The following TFAP2C variants were observed in gnomAD, a reference collection of about 807,000 sequenced individuals.
TFAP2C encodes activating enhancer-binding protein 2 gamma.
In TFAP2C, 9 loss-of-function variants were observed where a neutral mutation model predicts 42.9. That is an observed-to-expected ratio of 0.21 (90% confidence interval 0.13 to 0.37). The LOEUF (loss-of-function observed/expected upper bound fraction) is 0.37. Ranked by LOEUF, TFAP2C falls within the 10% of genes least tolerant of loss-of-function variation. The pLI is 1.00. For synonymous variants in TFAP2C, 264 were observed against 256.0 expected (o/e 1.03, Z -0.30); for missense variants, 462 against 591.7 (o/e 0.78, Z 2.27).
chr20:56,630,756 CCTGCCGCG>C lies in TFAP2C; in HGVS notation c.49-443_49-436del. On this transcript the variant is annotated intron_variant, in intron 1 of 6. Coordinates refer to ENST00000201031, the MANE Select transcript of TFAP2C (RefSeq NM_003222.4). The surrounding 1 kb of genome is among the most constrained non-coding windows in gnomAD (Gnocchi z 5.1). ...TCCCGCGCCGCGCACTCTATCCGCG[CCTGCCGCG>C]CTGCCACCTCCAGCAGTCCCTGCGT... 4 of 985,322 alleles carry C rather than the reference CCTGCCGCG, an allele frequency of 4.1e-6. No homozygotes were observed. The highest frequency in any genetic ancestry group is 4.8e-6 in the Non-Finnish European group (4 of 829,876). 61.0% of individuals were successfully genotyped at this position (985,322 alleles called of 1,614,324 possible).
chr20:56,636,839 C>A, intron 6 of TFAP2C, 85 bp downstream of exon 6: 1 of 1,435,778 alleles, frequency 7.0e-7, no homozygotes, highest in Non-Finnish European at 9.3e-7. Context: ...GTCCCGATGG[C>A]TCAACAAAGA....
rs940692475 is a variant in TFAP2C at position 56,638,238 on chromosome 20, C to T, written c.*225C>T. On this transcript the variant is annotated 3_prime_UTR_variant, in exon 7 of 7. Coordinates refer to ENST00000201031, the MANE Select transcript of TFAP2C (RefSeq NM_003222.4). ...CTTTGGACCTATTATCAGAAGGTGACAAGTACTGGCTCTTTATTCATTAAG... is the reference window on the plus strand; with the variant it reads ...CTTTGGACCTATTATCAGAAGGTGATAAGTACTGGCTCTTTATTCATTAAG... 5.7e-5 allele frequency: 29 copies of T among 504,492 alleles called. No individual in the cohort carries two copies. The highest frequency in any genetic ancestry group is 9.4e-5 in the Non-Finnish European group (27 of 286,244). 31.3% of individuals were successfully genotyped at this position (504,492 alleles called of 1,614,324 possible).
In TFAP2C at chr20:56,629,326, G is replaced by C. The variant is rs554205076; in HGVS notation, c.-219G>C. 2.5e-6 allele frequency: 1 copy of C among 399,878 alleles called. No individual in the cohort carries two copies. Among genetic ancestry groups the C allele is most frequent in the African/African-American group, 2.1e-5 (1 of 48,518 alleles). 24.8% of individuals were successfully genotyped at this position (399,878 alleles called of 1,614,324 possible). ...TCGCCAGGACACACTGTTCGGGCGC[G>C]GCTTTCCCCGTCCGCGGAGCGGTCT... On this transcript the variant is annotated 5_prime_UTR_variant, in exon 1 of 7. Transcript: ENST00000201031. This position sits in a 1 kb window ranked among gnomAD's most constrained non-coding sequence, Gnocchi z 5.9.
At chr20:56,636,228 G>C (rs1016348300) in intron 5 of TFAP2C, among the ~76,000 whole-genome samples, 1 of 152,188 alleles carries the variant, frequency 6.6e-6, no homozygotes, top group Non-Finnish European at 1.5e-5. Context: ...ATGACTGGTA[G>C]ACAATGAATA....
At chr20:56,637,067 T>C (rs1987596046) in intron 6 of TFAP2C, among the ~76,000 whole-genome samples, 1 of 152,220 alleles carries the variant, frequency 6.6e-6, no homozygotes, top group African/African-American at 2.4e-5. Flanking sequence ...CCCGATTTGT[T>C]TTGTCACAAC....
Position 56,631,064 on chromosome 20 carries a change from A to G in TFAP2C, c.49-141A>G, listed in dbSNP as rs2146446010. 1.4e-6 allele frequency: 2 copies of G among 1,425,442 alleles called. No homozygotes were observed. Among genetic ancestry groups the G allele is most frequent in the Admixed American group, 2.9e-5 (1 of 34,944 alleles). The allele number at this position is 1,425,442 out of a possible 1,614,324, so 88.3% of individuals were successfully genotyped here. The stretch of plus-strand genomic sequence containing the variant: ...TCCTCGGGGCGCATTGCCCCCGGGT[A>G]CCTTCCGACCCTGGGCAAGCCCCGC... On this transcript the variant is annotated intron_variant, in intron 1 of 6. Transcript: ENST00000201031. This position sits in a 1 kb window ranked among gnomAD's most constrained non-coding sequence, Gnocchi z 6.1.
In TFAP2C at chr20:56,632,119, C is replaced by T. The variant is rs561523650; in HGVS notation, c.586+263C>T. On this transcript the variant is annotated intron_variant, in intron 3 of 6. Transcript: ENST00000201031. ...TCCATGAATTCCAGTGGGTGTTTCA[C>T]AATGTGAGAGAAAGTCTTCCAGAGC... 3.3e-5 allele frequency among the ~76,000 whole-genome samples: 5 copies of T among 152,204 alleles called. No homozygotes were observed. The East Asian group carries it at 9.7e-4, about 29-fold the overall frequency.
At position 56,637,906 on chromosome 20, in the gene TFAP2C, A is replaced by G. The variant is rs1987616310; in HGVS notation, c.1246A>G (p.Ile416Val). The change falls in exon 7 of 7, where the codon ATC (isoleucine) becomes GTC (valine). Residue 416 changes from isoleucine to valine, a missense_variant. This residue lies in a region of TFAP2C where 130 missense variants were observed against 160.8 expected (regional missense o/e 0.81). Coordinates refer to ENST00000201031, the MANE Select transcript of TFAP2C (RefSeq NM_003222.4). ...CGCGGTGTCTGCCCTGCAGAACTACATCAAAGAAGCCCTGATTGTCATAGA... is the reference window on the plus strand; with the variant it reads ...CGCGGTGTCTGCCCTGCAGAACTACGTCAAAGAAGCCCTGATTGTCATAGA... ...CAAVSALQNY[I>V]KEALIVIDKS... The G allele has an allele frequency of 1.2e-6, 2 of 1,609,696 alleles. No individual in the cohort carries two copies. Among genetic ancestry groups the G allele is most frequent in the South Asian group, 2.2e-5 (2 of 91,006 alleles).
chr20:56,636,740 G>T lies in TFAP2C; in HGVS notation c.1053G>T (p.Met351Ile). The T allele has an allele frequency of 1.2e-6, 2 of 1,613,230 alleles. No individual in the cohort carries two copies. The highest frequency in any genetic ancestry group is 2.2e-5 in the South Asian group (2 of 90,810). The change falls in exon 6 of 7, where the codon ATG (methionine) becomes ATT (isoleucine). Residue 351 changes from methionine to isoleucine, a missense_variant. Transcript: ENST00000201031. ...GRNEMAARKN[M>I]LLAAQQLCKE... is the part of the protein sequence containing the mutation. ...ATGAGATGGCAGCTAGGAAGAACAT[G>T]CTATTGGCGGCCCAGTAAGTATCTG...
In TFAP2C at chr20:56,630,819, A is replaced by T; in HGVS notation, c.49-386A>T. Reference sequence around the variant, plus strand: ...GGCGGGCTCCACGAGATAGCTCTGCACCGGGCGTCCGGCTCCTTCGCCCCG... The same window carrying T: ...GGCGGGCTCCACGAGATAGCTCTGCTCCGGGCGTCCGGCTCCTTCGCCCCG... On this transcript the variant is annotated intron_variant, in intron 1 of 6. Transcript: ENST00000201031. This position sits in a 1 kb window ranked among gnomAD's most constrained non-coding sequence, Gnocchi z 5.1. The T allele has an allele frequency of 1.0e-6, 1 of 985,076 alleles. No individual in the cohort carries two copies. The highest frequency in any genetic ancestry group is 1.2e-6 in the Non-Finnish European group (1 of 829,812). The allele number at this position is 985,076 out of a possible 1,614,324, so 61.0% of individuals were successfully genotyped here.
In TFAP2C at chr20:56,629,335, C is replaced by A. The variant is rs1175565924; in HGVS notation, c.-210C>A. ...CACACTGTTCGGGCGCGGCTTTCCC[C>A]GTCCGCGGAGCGGTCTTGACACTCG... On this transcript the variant is annotated 5_prime_UTR_variant, in exon 1 of 7. Coordinates refer to ENST00000201031, the MANE Select transcript of TFAP2C (RefSeq NM_003222.4). This position sits in a 1 kb window ranked among gnomAD's most constrained non-coding sequence, Gnocchi z 5.9. 3 of 405,206 alleles carry A rather than the reference C, an allele frequency of 7.4e-6. No individual in the cohort carries two copies. The highest frequency in any genetic ancestry group is 4.1e-5 in the African/African-American group (2 of 48,632). The allele number at this position is 405,206 out of a possible 1,614,324, so 25.1% of individuals were successfully genotyped here.
In TFAP2C at chr20:56,629,715, C is replaced by A; in HGVS notation, c.48+123C>A. The A allele has an allele frequency of 1.5e-6, 1 of 646,526 alleles. No individual in the cohort carries two copies. Among genetic ancestry groups the A allele is most frequent in the Non-Finnish European group, 2.3e-6 (1 of 437,610 alleles). 40.0% of individuals were successfully genotyped at this position (646,526 alleles called of 1,614,324 possible). On this transcript the variant is annotated intron_variant, in intron 1 of 6. Coordinates refer to ENST00000201031, the MANE Select transcript of TFAP2C (RefSeq NM_003222.4). This position sits in a 1 kb window ranked among gnomAD's most constrained non-coding sequence, Gnocchi z 5.9. ...TGGCCTCTCGGTGGGACGGGATCCA[C>A]TTCTCCGGACACCCCTTAGTCCATT...
At position 56,638,040 on chromosome 20, in the gene TFAP2C, G is replaced by A. The variant is rs555033312; in HGVS notation, c.*27G>A. The A allele has an allele frequency of 1.7e-5, 27 of 1,598,366 alleles. No individual in the cohort carries two copies. In the African/African-American group the frequency reaches 2.8e-4, roughly 17 times the overall value. ...ATTGGAACGAAGAAAGGTTAGGAGA[G>A]TAGGGAAGGAACAGGACTGCAAAAA... On this transcript the variant is annotated 3_prime_UTR_variant, in exon 7 of 7. Coordinates refer to ENST00000201031, the MANE Select transcript of TFAP2C (RefSeq NM_003222.4).
chr20:56,636,711 C>T lies in TFAP2C; in HGVS notation c.1024C>T (p.Arg342Ter), dbSNP rs1359138714. The T allele has an allele frequency of 1.2e-6, 2 of 1,613,372 alleles. No individual in the cohort carries two copies. The highest frequency in any genetic ancestry group is 8.5e-7 in the Non-Finnish European group (1 of 1,179,926). ...EYLTRPHLGG[R>*]NEMAARKNML... ...TTTAACCAGACCTCATCTTGGAGGA[C>T]GAAATGAGATGGCAGCTAGGAAGAA... Residue 342 changes from arginine (R) to a stop codon, truncating the protein, a stop_gained, in exon 6 of 7, where the codon CGA (arginine) becomes TGA (stop). Coordinates refer to ENST00000201031, the MANE Select transcript of TFAP2C (RefSeq NM_003222.4). LOFTEE classifies it high-confidence loss of function.
intron 6 of TFAP2C, 33 bp downstream of exon 6, chr20:56,636,787 C>A: frequency 1.2e-6 from 2 of 1,602,160 alleles, no homozygotes; most frequent in Non-Finnish European, 8.5e-7. Flanking sequence ...GATGATGACT[C>A]AATGCTCTAG....
rs1987529906 is a variant in TFAP2C at position 56,633,357 on chromosome 20, C to T, written c.591C>T (p.Pro197=). The T allele has an allele frequency of 6.2e-7, 1 of 1,612,122 alleles. No individual in the cohort carries two copies. The highest frequency in any genetic ancestry group is 1.1e-5 in the South Asian group (1 of 90,924). Residue 197 remains proline, a synonymous_variant, in exon 4 of 7, where the codon CCC becomes CCT. Coordinates refer to ENST00000201031, the MANE Select transcript of TFAP2C (RefSeq NM_003222.4). ...LHDQTVIRKG[P]ISMTKNPLNL... The stretch of plus-strand genomic sequence containing the variant: ...AGCTCTGACCTTCATTCACAGGTCC[C>T]ATTTCCATGACCAAGAACCCTCTGA...
At chr20:56,636,977 CTGCTTAGTTATTCAACCCAAAGTAGT>C (rs1987594184) in intron 6 of TFAP2C, among the ~76,000 whole-genome samples, 1 of 152,184 alleles carries the variant, frequency 6.6e-6, no homozygotes, top group Non-Finnish European at 1.5e-5. Flanking sequence ...TATTTTTGAG[CTGCTTAGTTATTCAACCCAAAGTAGT>C]TGAGCTGCCC....
In TFAP2C at chr20:56,637,783, A is replaced by G; in HGVS notation, c.1123A>G (p.Thr375Ala). Residue 375 changes from threonine (T) to alanine (A), a missense_variant, in exon 7 of 7, where the codon ACC becomes GCC. By Grantham distance (58) the Thr-to-Ala change is moderately conservative (BLOSUM62 0). Around this residue, in one of 5 missense-constraint regions of TFAP2C, gnomAD observed 130 missense variants for 160.8 expected, o/e 0.81. Coordinates refer to ENST00000201031, the MANE Select transcript of TFAP2C (RefSeq NM_003222.4). ...LLSQDRTPHGTSRLAPVLETN... is the reference protein window; with the variant it reads ...LLSQDRTPHGASRLAPVLETN... ...CAGCCAAGACCGGACACCCCATGGG[A>G]CCAGCAGGCTCGCCCCAGTCTTGGA... 6.2e-7 allele frequency: 1 copy of G among 1,614,140 alleles called. No individual in the cohort carries two copies. The highest frequency in any genetic ancestry group is 8.5e-7 in the Non-Finnish European group (1 of 1,180,014).
rs6025019 is a variant in TFAP2C at position 56,630,605 on chromosome 20, C to A, written c.49-600C>A. The A allele has an allele frequency of 0.11, 93,491 of 831,830 alleles. 6,408 individuals carry two copies. The highest frequency in any genetic ancestry group is 0.28 in the African/African-American group (15,364 of 54,282). 51.5% of individuals were successfully genotyped at this position (831,830 alleles called of 1,614,324 possible). Reference sequence around the variant, plus strand: ...AGCAGGGAGGGCCGCCCTGTGCGCGCGCTCCCTCTTCACTTCCCAGGGCGG... The same window carrying A: ...AGCAGGGAGGGCCGCCCTGTGCGCGAGCTCCCTCTTCACTTCCCAGGGCGG... On this transcript the variant is annotated intron_variant, in intron 1 of 6. Transcript: ENST00000201031. This position sits in a 1 kb window ranked among gnomAD's most constrained non-coding sequence, Gnocchi z 5.1.
Sources: gnomAD v4.1 joint callset for allele counts (sites outside exome capture counted in the v4.1 genomes callset) on GRCh38, gnomAD v4.1.1 for gene constraint, gnomAD v4.1.1 regional missense constraint, Gnocchi (gnomAD v3.1) non-coding constraint, MANE v1.5 for transcripts, NCBI Gene and HGNC (gene_info 2026-07-23, HGNC 2026-07-21) for gene names.